SNTB2: variants seen among roughly 807,000 people sequenced by gnomAD.
SNTB2 encodes the protein syntrophin beta 2.
A neutral mutation model predicts 46.2 loss-of-function variants in SNTB2; 34 were observed. That is an observed-to-expected ratio of 0.74 (90% CI 0.56 to 0.98). SNTB2 has a LOEUF of 0.98. SNTB2 is among the 50% of genes least tolerant of loss of function. SNTB2 has a pLI of 0.00. For missense variants in SNTB2, 603 were observed against 731.4 expected (o/e 0.82, Z 2.02); for synonymous variants, 290 against 312.6 (o/e 0.93, Z 0.76).
intron 1 of SNTB2, among the ~76,000 whole-genome samples, chr16:69,210,602 G>C (rs775795621): frequency 2.0e-5 from 3 of 151,968 alleles, no homozygotes; most frequent in Non-Finnish European, 4.4e-5. Flanking sequence ...AGTGTGATCA[G>C]CTTGGAACTC....
chr16:69,244,793 A>G (rs1185486525), intron 1 of SNTB2, among the ~76,000 whole-genome samples: 1 of 152,188 alleles, frequency 6.6e-6, no homozygotes, highest in Non-Finnish European at 1.5e-5. Flanking sequence ...TAAGAACTGT[A>G]ATGGCCTGTT....
Position 69,248,095 on chromosome 16 carries a change from C to T in SNTB2, c.794+2280C>T, listed in dbSNP as rs1211910475. On this transcript the variant is annotated intron_variant, in intron 2 of 6. Transcript: ENST00000336278. The stretch of plus-strand genomic sequence containing the variant: ...CTAGGATTGTGCCACTGCACTGTAG[C>T]CTGGGTGACAGAACAATATCCTGTC... Among the ~76,000 whole-genome samples, 3 of 152,130 alleles carry T rather than the reference C, an allele frequency of 2.0e-5. No individual in the cohort carries two copies. In the East Asian group the frequency reaches 5.8e-4, roughly 29 times the overall value.
intron 1 of SNTB2, among the ~76,000 whole-genome samples, chr16:69,207,154 C>CTTTCTT (rs771500331): frequency 0.1 from 12,991 of 126,262 alleles, 850 homozygotes; most frequent in Non-Finnish European, 0.14. Flanking sequence ...TTCTTTCTTT[C>CTTTCTT]TTTTTTTTTT....
At chr16:69,204,012 C>A (rs1964190649) in intron 1 of SNTB2, among the ~76,000 whole-genome samples, 1 of 152,124 alleles carries the variant, frequency 6.6e-6, no homozygotes, top group Non-Finnish European at 1.5e-5. Context: ...CCTGCCTCAG[C>A]CTCCCAAGGA....
At chr16:69,248,277 G>C (rs1218907676) in intron 2 of SNTB2, among the ~76,000 whole-genome samples, 2 of 152,196 alleles carry the variant, frequency 1.3e-5, no homozygotes, top group African/African-American at 2.4e-5. Context: ...TGTGTATGTT[G>C]AATCATCTAA....
chr16:69,217,594 G>T (rs904598191), intron 1 of SNTB2, among the ~76,000 whole-genome samples: 74 of 152,216 alleles, frequency 4.9e-4, no homozygotes, highest in African/African-American at 1.7e-3. Context: ...CAGTGAGCAA[G>T]CTTGAGTTCT....
chr16:69,279,864 A>G, intron 4 of SNTB2, among the ~76,000 whole-genome samples: 1 of 142,890 alleles, frequency 7.0e-6, no homozygotes. Flanking sequence ...TTAATTAATT[A>G]ATTAATTTAT....
At chr16:69,267,650 G>GAGCACTGGTCCC (rs1241419614) in intron 3 of SNTB2, among the ~76,000 whole-genome samples, 1 of 152,220 alleles carries the variant, frequency 6.6e-6, no homozygotes, top group Admixed American at 6.5e-5. Context: ...GCACATGGTA[G>GAGCACTGGTCCC]AGCACTGGTC....
intron 5 of SNTB2, among the ~76,000 whole-genome samples, chr16:69,287,311 T>A (rs1217918843): frequency 6.6e-6 from 1 of 152,162 alleles, no homozygotes; most frequent in Non-Finnish European, 1.5e-5. Flanking sequence ...GGCTCATGCC[T>A]GTAATCCCAG....
intron 5 of SNTB2, among the ~76,000 whole-genome samples, chr16:69,293,549 A>AT (rs1965194670): frequency 6.6e-6 from 1 of 152,158 alleles, no homozygotes; most frequent in Admixed American, 6.5e-5. Context: ...ACGTGAGGTG[A>AT]ATCATGGGCA....
intron 3 of SNTB2, among the ~76,000 whole-genome samples, chr16:69,262,379 C>T (rs1316415115): frequency 6.6e-6 from 1 of 151,708 alleles, no homozygotes; most frequent in Non-Finnish European, 1.5e-5. Flanking sequence ...GATCTTGGCT[C>T]ACTGCAAGCT....
In SNTB2 at chr16:69,300,858, G is replaced by A. The variant is rs766749675; in HGVS notation, c.1557G>A (p.Lys519=). 6 of 1,614,022 alleles carry A rather than the reference G, an allele frequency of 3.7e-6. No individual in the cohort carries two copies. Among genetic ancestry groups the A allele is most frequent in the Non-Finnish European group, 5.1e-6 (6 of 1,179,908 alleles). ...CCATGGACCTGCACTCTTGTCCGAA[G>A]CCGATTGTATTTGTGTTGCACACGT... The part of the protein sequence containing the change: ...ELTMDLHSCP[K]PIVFVLHTFL... The change falls in exon 7 of 7, where the codon AAG becomes AAA. Residue 519 remains lysine, a synonymous_variant. Transcript: ENST00000336278.
At chr16:69,228,946 G>A (rs939555606) in intron 1 of SNTB2, among the ~76,000 whole-genome samples, 6 of 152,112 alleles carry the variant, frequency 3.9e-5, no homozygotes, top group African/African-American at 1.4e-4. Flanking sequence ...TTTAAAGCTT[G>A]TTGCTGTGCA....
intron 3 of SNTB2, among the ~76,000 whole-genome samples, chr16:69,264,531 G>T (rs1964867201): frequency 6.6e-6 from 1 of 152,166 alleles, no homozygotes; most frequent in Non-Finnish European, 1.5e-5. Flanking sequence ...CGGTTATTTG[G>T]TAGAGTGATA....
intron 1 of SNTB2, among the ~76,000 whole-genome samples, chr16:69,210,592 A>AGTGT (rs1396501266): frequency 6.6e-6 from 1 of 151,698 alleles, no homozygotes; most frequent in Non-Finnish European, 1.5e-5. Flanking sequence ...GGAGTGCAGT[A>AGTGT]GTGTGATCAG....
At chr16:69,232,116 A>C (rs1964511333) in intron 1 of SNTB2, among the ~76,000 whole-genome samples, 1 of 152,098 alleles carries the variant, frequency 6.6e-6, no homozygotes, top group Non-Finnish European at 1.5e-5. Flanking sequence ...TAGATATTCA[A>C]GTTAGACTTC....
chr16:69,222,047 C>G (rs1964410404), intron 1 of SNTB2, among the ~76,000 whole-genome samples: 1 of 152,292 alleles, frequency 6.6e-6, no homozygotes, highest in South Asian at 2.1e-4. Flanking sequence ...TTGCCATGAA[C>G]AACATTGTTT....
chr16:69,210,689 T>C (rs1964274622), intron 1 of SNTB2, among the ~76,000 whole-genome samples: 3 of 152,060 alleles, frequency 2.0e-5, no homozygotes, highest in African/African-American at 7.2e-5. Context: ...GCCTGGCTAA[T>C]TTTTAAGAAA....
At chr16:69,289,345 G>A (rs12102770) in intron 5 of SNTB2, among the ~76,000 whole-genome samples, 26,861 of 151,396 alleles carry the variant, frequency 0.18, 2,624 homozygotes, top group Middle Eastern at 0.25. Context: ...TGGGATGGGC[G>A]TGTTGTGAGG....
Sources: gnomAD v4.1 joint callset for allele counts (sites outside exome capture counted in the v4.1 genomes callset) on GRCh38, gnomAD v4.1.1 for gene constraint, MANE v1.5 for transcripts, NCBI Gene and HGNC (gene_info 2026-07-23, HGNC 2026-07-21) for gene names.